The following RTKN variants were observed in gnomAD, a reference collection of about 807,000 sequenced individuals.
RTKN encodes rhotekin.
In RTKN, 49 loss-of-function variants were observed where a neutral mutation model predicts 63.5. The ratio of observed to expected loss-of-function variants is 0.77; its 90% confidence interval spans 0.61 to 0.98. The LOEUF is 0.98. Ranked by LOEUF, RTKN falls within the 50% of genes least tolerant of loss-of-function variation. The probability of loss-of-function intolerance (pLI) is 0.00; values close to 1 mark genes in which losing one functional copy is unlikely to be tolerated. For synonymous variants in RTKN, 295 were observed against 290.4 expected, an observed-to-expected ratio of 1.02 and a Z score of -0.16; for missense variants, 685 against 740.8, an observed-to-expected ratio of 0.92 and a Z score of 0.87.
intron 1 of RTKN, chr2:74,440,336 C>A: frequency 1.0e-6 from 1 of 985,704 alleles, no homozygotes; most frequent in Non-Finnish European, 1.2e-6. Flanking sequence ...CCCGCTCCAC[C>A]CTGGGCTCAC....
chr2:74,431,070 T>A (rs1670724188), intron 2 of RTKN: 18 of 183,656 alleles, frequency 9.8e-5, no homozygotes, highest in East Asian at 8.5e-4. Flanking sequence ...TCTTTATTTT[T>A]TTTTTTTTTA....
chr2:74,437,110 C>A (rs527589035), intron 1 of RTKN, among the ~76,000 whole-genome samples: 6 of 152,268 alleles, frequency 3.9e-5, no homozygotes, highest in Non-Finnish European at 7.3e-5. Context: ...GAATCTCCAC[C>A]AGGGCTAAGT....
At position 74,436,545 on chromosome 2, in the gene RTKN, A is replaced by T. The variant is rs1671072322; in HGVS notation, c.112-3879T>A. 6.6e-6 allele frequency among the ~76,000 whole-genome samples: 1 copy of T among 152,020 alleles called. No homozygotes were observed. The highest frequency in any genetic ancestry group is 1.9e-4 in the East Asian group (1 of 5,152). ...GCTCCTGGCCTTCACGACGTGCTCC[A>T]GCTCCGGGAGGCCCCTCCCGCGTAG... is the stretch of plus-strand genomic sequence containing the variant. On this transcript the variant is annotated intron_variant, in intron 1 of 11. Transcript: ENST00000272430. The surrounding 1 kb of genome is among the most constrained non-coding windows in gnomAD (Gnocchi z 4.3).
At chr2:74,441,007 C>A (rs1013156919) in intron 1 of RTKN, among the ~76,000 whole-genome samples, 1 of 152,226 alleles carries the variant, frequency 6.6e-6, no homozygotes, top group Admixed American at 6.5e-5. Flanking sequence ...CCTCTCAGTC[C>A]CCGCTCAACC....
intron 1 of RTKN, chr2:74,439,835 T>C: frequency 1.4e-6 from 2 of 1,381,640 alleles, no homozygotes; most frequent in Non-Finnish European, 1.9e-6. Flanking sequence ...CCACTGCTGC[T>C]CCGGGGCCCT....
intron 2 of RTKN, chr2:74,432,090 T>C: frequency 2.8e-6 from 1 of 361,622 alleles, no homozygotes; most frequent in Non-Finnish European, 5.3e-6. Context: ...TAACAAACTA[T>C]TGTCAGTATG....
At chr2:74,426,972 T>G (rs1573233510) in intron 11 of RTKN, 197 bp downstream of exon 11, 1 of 985,420 alleles carries the variant, frequency 1.0e-6, no homozygotes, top group East Asian at 1.1e-4. Context: ...GGGGTTTTGT[T>G]TTGAACTTTG....
intron 2 of RTKN, chr2:74,432,214 C>T: frequency 1.5e-6 from 1 of 653,604 alleles, no homozygotes; most frequent in East Asian, 2.8e-5. Flanking sequence ...TTTTGCATTA[C>T]TTGCTACCCT....
intron 1 of RTKN, among the ~76,000 whole-genome samples, chr2:74,432,982 G>A (rs543948809): frequency 5.9e-5 from 9 of 151,982 alleles, no homozygotes; most frequent in African/African-American, 2.2e-4. Flanking sequence ...GGTGGCTCAC[G>A]CCTGTAATCC....
At chr2:74,432,785 CA>C in intron 1 of RTKN, 119 bp from the exon 2 acceptor site, 1 of 778,898 alleles carries the variant, frequency 1.3e-6, no homozygotes, top group Non-Finnish European at 2.1e-6. Context: ...ATGTTTTAGG[CA>C]GTTCAAGAGC....
chr2:74,427,730 G>A (rs981431809), intron 9 of RTKN, 138 bp from the exon 10 acceptor site: 7 of 912,124 alleles, frequency 7.7e-6, no homozygotes, highest in African/African-American at 1.7e-5. Context: ...ACTGACCAGA[G>A]TAGGAAGGAA....
chr2:74,430,081 G>C (rs922520539), intron 5 of RTKN, 44 bp from the exon 6 acceptor site: 12 of 1,607,066 alleles, frequency 7.5e-6, no homozygotes, highest in African/African-American at 5.3e-5. Flanking sequence ...AAAGTCCAGG[G>C]AGGCAGAGGG....
intron 1 of RTKN, among the ~76,000 whole-genome samples, chr2:74,433,161 T>A (rs1464956549): frequency 6.6e-6 from 1 of 150,432 alleles, no homozygotes; most frequent in Non-Finnish European, 1.5e-5. Flanking sequence ...GAGAATGGCA[T>A]GAACCCGGGA....
At chr2:74,430,873 G>T in intron 2 of RTKN, 196 bp from the exon 3 acceptor site, 2 of 598,942 alleles carry the variant, frequency 3.3e-6, no homozygotes, top group Non-Finnish European at 5.9e-6. Flanking sequence ...GGGGACACCA[G>T]GGACACTCAA....
At position 74,428,850 on chromosome 2, in the gene RTKN, T is replaced by G. The variant is rs747741296; in HGVS notation, c.848A>C (p.His283Pro). 6.2e-7 allele frequency: 1 copy of G among 1,613,668 alleles called. No homozygotes were observed. Among genetic ancestry groups the G allele is most frequent in the South Asian group, 1.1e-5 (1 of 91,044 alleles). Residue 283 changes from histidine to proline, a missense_variant and splice_region_variant, in exon 7 of 12, where the codon CAT becomes CCT. Physicochemically the swap from His to Pro is moderately conservative, Grantham distance 77. Coordinates refer to ENST00000272430, the MANE Select transcript of RTKN (RefSeq NM_001015055.2). ...FRTHDLTLASHEENPAWLPLY... is the reference protein window; with the variant it reads ...FRTHDLTLASPEENPAWLPLY... ...CCCCCATGCACACACATACTTACCA[T>G]GACTGGCAAGGGTGAGGTCATGTGT...
chr2:74,427,908 TA>T, intron 9 of RTKN: 2 of 471,012 alleles, frequency 4.2e-6, no homozygotes, highest in Non-Finnish European at 7.6e-6. Flanking sequence ...GGAAAGCCCA[TA>T]AAAGGGATAG....
chr2:74,439,796 C>T lies in RTKN; in HGVS notation c.111+1910G>A, dbSNP rs908153046. The T allele has an allele frequency of 2.7e-5, 38 of 1,420,036 alleles. No individual in the cohort carries two copies. In the Middle Eastern group the frequency reaches 6.2e-4, roughly 23 times the overall value. The allele number at this position is 1,420,036 out of a possible 1,614,324, so 88.0% of individuals were successfully genotyped here. On this transcript the variant is annotated intron_variant, in intron 1 of 11. Coordinates refer to ENST00000272430, the MANE Select transcript of RTKN (RefSeq NM_001015055.2). Reference sequence around the variant, plus strand: ...ATCCCTCTGCACTCCTGTTAAACCCCTCTGGCTGCTGTGACAAATTTTCCT... The same window carrying T: ...ATCCCTCTGCACTCCTGTTAAACCCTTCTGGCTGCTGTGACAAATTTTCCT...
chr2:74,432,395 A>T, intron 2 of RTKN, 72 bp downstream of exon 2: 2 of 1,387,866 alleles, frequency 1.4e-6, no homozygotes, highest in Non-Finnish European at 2.0e-6. Flanking sequence ...CATGCCACAC[A>T]CGCACATGCT....
Position 74,427,271 on chromosome 2 carries a change from G to T in RTKN, c.1258C>A (p.Gln420Lys). ...ATTTCATCACAGCACTGCTTCCATT[G>T]GCCTGGAAGAAGAGCGCTGATTAAA... is the stretch of plus-strand genomic sequence containing the variant. ...ALWQLFFDMS[Q>K]WKQCCDEIMK... Residue 420 changes from glutamine (Q) to lysine (K), a missense_variant and splice_region_variant, in exon 11 of 12, where the codon CAA (glutamine) becomes AAA (lysine). Gln to Lys is a moderately conservative substitution (Grantham distance 53). Transcript: ENST00000272430. 1 of 1,613,822 alleles carries T rather than the reference G, an allele frequency of 6.2e-7. No individual in the cohort carries two copies. Among genetic ancestry groups the T allele is most frequent in the Non-Finnish European group, 8.5e-7 (1 of 1,179,738 alleles).
Sources: allele counts gnomAD v4.1 joint callset (sites outside exome capture counted in the v4.1 genomes callset), GRCh38; gene constraint gnomAD v4.1.1; non-coding constraint Gnocchi (gnomAD v3.1); transcripts MANE v1.5; gene names NCBI Gene and HGNC (gene_info 2026-07-23, HGNC 2026-07-21).